The following INSYN2A variants were observed in gnomAD, a reference collection of about 807,000 sequenced individuals.
INSYN2A encodes inhibitory synaptic factor 2A.
A neutral mutation model predicts 39.4 loss-of-function variants in INSYN2A; 17 were observed. The observed-to-expected ratio is 0.43, with a 90% confidence interval of 0.30 to 0.65. The LOEUF is 0.65. Among genes scored for constraint, INSYN2A ranks in the 30% least tolerant of loss-of-function variants. The pLI is 0.14. For synonymous variants in INSYN2A, 255 were observed against 265.7 expected, an observed-to-expected ratio of 0.96 and a Z score of 0.39; for missense variants, 595 against 631.2, an observed-to-expected ratio of 0.94 and a Z score of 0.61.
At position 127,175,639 on chromosome 10, in the gene INSYN2A, C is replaced by T. The variant is rs1271709343; in HGVS notation, c.757G>A (p.Val253Ile). 2 of 1,613,174 alleles carry T rather than the reference C, an allele frequency of 1.2e-6. No homozygotes were observed. Among genetic ancestry groups the T allele is most frequent in the Non-Finnish European group, 1.7e-6 (2 of 1,179,960 alleles). Residue 253 changes from valine to isoleucine, a missense_variant, in exon 4 of 6, where the codon GTT (valine) becomes ATT (isoleucine). Physicochemically the swap from Val to Ile is conservative, Grantham distance 29. Around this residue, in one of 2 missense-constraint regions of INSYN2A, gnomAD observed 478 missense variants for 467.4 expected, o/e 1.02. Transcript: ENST00000522781. The surrounding 1 kb of genome is among the most constrained non-coding windows in gnomAD (Gnocchi z 6.3). The stretch of plus-strand genomic sequence containing the variant: ...AGGGCAGGTGCGTAAACGGTGGCAA[C>T]CTCCGTTTTAAACACCCTCCTGAGG... The part of the protein sequence containing the change: ...PALRRVFKTE[V>I]ATVYAPALSA...
chr10:127,186,202 A>T, intron 2 of INSYN2A, among the ~76,000 whole-genome samples: 1 of 152,284 alleles, frequency 6.6e-6, no homozygotes, highest in Non-Finnish European at 1.5e-5. Context: ...TCACACTGCT[A>T]TGAAGAAATG....
chr10:127,180,121 T>C (rs1462122746), intron 2 of INSYN2A, among the ~76,000 whole-genome samples: 1 of 152,234 alleles, frequency 6.6e-6, no homozygotes, highest in African/African-American at 2.4e-5. Flanking sequence ...AAGTGATCCA[T>C]GATAAACTTG....
In INSYN2A at chr10:127,137,507, G is replaced by T; in HGVS notation, c.*330C>A. Reference sequence around the variant, plus strand: ...AGTTATAGCTGTGTACAGGGTGACAGCCTGCCATCTCGCAGGTTGATAATG... The same window carrying T: ...AGTTATAGCTGTGTACAGGGTGACATCCTGCCATCTCGCAGGTTGATAATG... On this transcript the variant is annotated 3_prime_UTR_variant, in exon 6 of 6. Transcript: ENST00000522781. 4.2e-6 allele frequency: 1 copy of T among 235,654 alleles called. No homozygotes were observed. The highest frequency in any genetic ancestry group is 2.2e-5 in the African/African-American group (1 of 44,638). 14.6% of individuals were successfully genotyped at this position (235,654 alleles called of 1,614,324 possible).
intron 5 of INSYN2A, among the ~76,000 whole-genome samples, chr10:127,146,859 A>G (rs1347367398): frequency 6.6e-6 from 1 of 152,194 alleles, no homozygotes; most frequent in Non-Finnish European, 1.5e-5. Context: ...AAATGCAATT[A>G]CCACTCTTAA....
intron 2 of INSYN2A, among the ~76,000 whole-genome samples, chr10:127,184,606 A>G (rs2056056868): frequency 6.6e-6 from 1 of 151,810 alleles, no homozygotes; most frequent in Admixed American, 6.6e-5. Flanking sequence ...TTATTATAAG[A>G]TCATCTATAC....
chr10:127,166,416 G>A (rs1241799985), intron 4 of INSYN2A, among the ~76,000 whole-genome samples: 8 of 152,200 alleles, frequency 5.3e-5, no homozygotes, highest in Non-Finnish European at 1.0e-4. Flanking sequence ...CATTTTCAGG[G>A]GAGAGAGAAG....
intron 4 of INSYN2A, among the ~76,000 whole-genome samples, chr10:127,174,729 ATAT>A (rs1179191860): frequency 6.6e-6 from 1 of 152,144 alleles, no homozygotes; most frequent in Non-Finnish European, 1.5e-5. Flanking sequence ...CTGAATACCA[ATAT>A]TATTTCAATT....
At chr10:127,156,347 G>A (rs145328127) in intron 4 of INSYN2A, among the ~76,000 whole-genome samples, 44 of 152,186 alleles carry the variant, frequency 2.9e-4, no homozygotes, top group Non-Finnish European at 5.4e-4. Context: ...TTGCTTGTAT[G>A]CTGGGGCTGG....
At chr10:127,148,251 TTGTG>T (rs1247221928) in intron 5 of INSYN2A, among the ~76,000 whole-genome samples, 2 of 152,076 alleles carry the variant, frequency 1.3e-5, no homozygotes, top group African/African-American at 4.8e-5. Flanking sequence ...TGAGGCCACT[TTGTG>T]TGGTGGCTGT....
intron 4 of INSYN2A, among the ~76,000 whole-genome samples, chr10:127,169,364 C>T (rs2054358600): frequency 6.6e-6 from 1 of 152,184 alleles, no homozygotes; most frequent in African/African-American, 2.4e-5. Flanking sequence ...TCCATCACTT[C>T]AGTGATGTTT....
intron 4 of INSYN2A, among the ~76,000 whole-genome samples, chr10:127,164,587 C>T (rs1023159109): frequency 3.3e-5 from 5 of 152,174 alleles, no homozygotes; most frequent in Non-Finnish European, 7.3e-5. Context: ...TGGAATGCAT[C>T]AGTATTTTAT....
chr10:127,185,252 G>C (rs746531678), intron 2 of INSYN2A, among the ~76,000 whole-genome samples: 3 of 152,202 alleles, frequency 2.0e-5, no homozygotes, highest in Non-Finnish European at 4.4e-5. Context: ...ACACTGGCCA[G>C]GCACGGTGGC....
intron 4 of INSYN2A, among the ~76,000 whole-genome samples, chr10:127,173,537 C>T (rs1417207187): frequency 6.6e-6 from 1 of 152,178 alleles, no homozygotes; most frequent in African/African-American, 2.4e-5. Context: ...GGCACACACT[C>T]CTGTGAGTAT....
chr10:127,149,424 T>A (rs1024294810), intron 5 of INSYN2A, among the ~76,000 whole-genome samples: 3 of 152,204 alleles, frequency 2.0e-5, no homozygotes, highest in African/African-American at 7.2e-5. Context: ...GTCCTCTATA[T>A]TTCCATGACA....
intron 5 of INSYN2A, among the ~76,000 whole-genome samples, chr10:127,139,528 A>G (rs888309898): frequency 6.6e-6 from 1 of 152,206 alleles, no homozygotes; most frequent in African/African-American, 2.4e-5. Flanking sequence ...AATCTCATGA[A>G]TTTAAGTCTT....
Position 127,175,463 on chromosome 10 carries a change from C to T in INSYN2A, c.933G>A (p.Met311Ile), listed in dbSNP as rs767554325. Residue 311 changes from methionine (M) to isoleucine (I), a missense_variant, in exon 4 of 6, where the codon ATG becomes ATA. By Grantham distance (10) the Met-to-Ile change is conservative. This residue lies in a region of INSYN2A where 478 missense variants were observed against 467.4 expected (regional missense o/e 1.02). Transcript: ENST00000522781. The surrounding 1 kb of genome is among the most constrained non-coding windows in gnomAD (Gnocchi z 6.3). ...CACTACATTCGGGGGACAGGCACTG[C>T]ATCGGGGGTGAGCAGGCCAGGGCAG... ...SETALACSPP[M>I]QCLSPECSEQ... 1 of 1,610,468 alleles carries T rather than the reference C, an allele frequency of 6.2e-7. No homozygotes were observed. The highest frequency in any genetic ancestry group is 1.3e-5 in the African/African-American group (1 of 74,932).
chr10:127,162,156 T>A (rs1466590997), intron 4 of INSYN2A, among the ~76,000 whole-genome samples: 3 of 152,228 alleles, frequency 2.0e-5, no homozygotes, highest in Admixed American at 2.0e-4. Flanking sequence ...GTAAAGCTGA[T>A]CCCATTAGCT....
chr10:127,152,590 G>A lies in INSYN2A; in HGVS notation c.1256+1262C>T, dbSNP rs60011403. Among the ~76,000 whole-genome samples, 157 of 152,308 alleles carry A rather than the reference G, an allele frequency of 1.0e-3. 2 individuals carry two copies. The highest frequency in any genetic ancestry group is 3.6e-3 in the African/African-American group (150 of 41,572). Reference sequence around the variant, plus strand: ...CTCAACCTCAGCACTATTGACATTTGGGACTGGATAGCTCTTGGTTGTGGG... The same window carrying A: ...CTCAACCTCAGCACTATTGACATTTAGGACTGGATAGCTCTTGGTTGTGGG... On this transcript the variant is annotated intron_variant, in intron 5 of 5. Transcript: ENST00000522781.
chr10:127,190,185 C>A (rs1376519980), intron 2 of INSYN2A, among the ~76,000 whole-genome samples: 1 of 152,230 alleles, frequency 6.6e-6, no homozygotes, highest in East Asian at 1.9e-4. Flanking sequence ...TTCTACCCAA[C>A]TGAATTTTCA....
Sources: allele counts gnomAD v4.1 joint callset (sites outside exome capture counted in the v4.1 genomes callset), GRCh38; gene constraint gnomAD v4.1.1; regional missense constraint gnomAD v4.1.1; non-coding constraint Gnocchi (gnomAD v3.1); transcripts MANE v1.5; gene names NCBI Gene and HGNC (gene_info 2026-07-23, HGNC 2026-07-21).